Variants in PRMT9 observed in about 807,000 individuals in gnomAD.
PRMT9 encodes protein arginine N-methyltransferase 9.
In PRMT9, 59 loss-of-function variants were observed where a neutral mutation model predicts 83.2. The observed-to-expected ratio is 0.71, with a 90% CI of 0.57 to 0.88. The LOEUF (loss-of-function observed/expected upper bound fraction) is 0.88, where lower values mean the gene tolerates loss of function less well. Among genes scored for constraint, PRMT9 ranks in the 40% least tolerant of loss-of-function variants. PRMT9 has a pLI of 0.00. For missense variants in PRMT9, 947 were observed against 1,021.9 expected (o/e 0.93, Z 1.00); for synonymous variants, 333 against 353.2 (o/e 0.94, Z 0.64).
chr4:147,665,102 CAA>C (rs1368329665), intron 6 of PRMT9, among the ~76,000 whole-genome samples: 2 of 91,004 alleles, frequency 2.2e-5, no homozygotes. Flanking sequence ...GCCTGGGAAA[CAA>C]GAGCGAAACT....
intron 7 of PRMT9, among the ~76,000 whole-genome samples, chr4:147,659,590 TTTTC>T (rs1290382556): frequency 1.4e-5 from 2 of 144,234 alleles, no homozygotes; most frequent in Non-Finnish European, 3.1e-5. Flanking sequence ...TTTTTTTTTT[TTTTC>T]TGAGACGGAG....
rs773815889 is a variant in PRMT9 at position 147,642,944 on chromosome 4, A to T, written c.2046-4T>A. The T allele has an allele frequency of 1.2e-6, 2 of 1,613,692 alleles. No individual in the cohort carries two copies. The highest frequency in any genetic ancestry group is 1.7e-6 in the Non-Finnish European group (2 of 1,179,718). ...GCCTCCAGATTGTAGTAAACACCTA[A>T]GAAAAAAAGTACATATTTTAAAAAG... is the stretch of plus-strand genomic sequence containing the variant. On this transcript the variant is annotated splice_polypyrimidine_tract_variant and splice_region_variant and intron_variant, in intron 9 of 11. Transcript: ENST00000322396.
intron 9 of PRMT9, among the ~76,000 whole-genome samples, chr4:147,653,442 TAA>T (rs201458372): frequency 3.0e-4 from 43 of 144,390 alleles, no homozygotes; most frequent in African/African-American, 1.0e-3. Flanking sequence ...AACTCCGTCT[TAA>T]AAAAAAAAAA....
Position 147,673,809 on chromosome 4 carries a change from C to A in PRMT9, c.404G>T (p.Ser135Ile). ...HKAVKLNPDF[S>I]DAKENFYRVA... ...ACGATAAAAATTCTCCTTTGCATCACTGAAATCAGGGTTTAGCTTCACTGC... is the reference window on the plus strand; with the variant it reads ...ACGATAAAAATTCTCCTTTGCATCAATGAAATCAGGGTTTAGCTTCACTGC... The change falls in exon 3 of 12, where the codon AGT (serine) becomes ATT (isoleucine). Residue 135 changes from serine (S) to isoleucine (I), a missense_variant. Coordinates refer to ENST00000322396, the MANE Select transcript of PRMT9 (RefSeq NM_138364.4). 6.2e-7 allele frequency: 1 copy of A among 1,614,188 alleles called. No homozygotes were observed. The highest frequency in any genetic ancestry group is 2.2e-5 in the East Asian group (1 of 44,890).
chr4:147,663,255 G>T (rs560937330), intron 6 of PRMT9, among the ~76,000 whole-genome samples: 1 of 151,900 alleles, frequency 6.6e-6, no homozygotes, highest in Non-Finnish European at 1.5e-5. Flanking sequence ...TGATCCGCCC[G>T]CCTCAGCCTC....
intron 7 of PRMT9, among the ~76,000 whole-genome samples, chr4:147,659,601 G>A (rs1189266333): frequency 2.4e-4 from 26 of 109,990 alleles, no homozygotes; most frequent in African/African-American, 7.3e-4. Flanking sequence ...TTTCTGAGAC[G>A]GAGTTTCGCT....
intron 6 of PRMT9, among the ~76,000 whole-genome samples, chr4:147,661,789 CAAAAAAAAAAAA>C (rs70958573): frequency 1.7e-5 from 1 of 60,226 alleles, no homozygotes; most frequent in Admixed American, 2.4e-4. Flanking sequence ...GACTCCATCT[CAAAAAAAAAAAA>C]AAAAAAAAAA....
In PRMT9 at chr4:147,658,964, G is replaced by A. The variant is rs562403196; in HGVS notation, c.1147-989C>T. Reference sequence around the variant, plus strand: ...GGAGGCCAAGGCGGACGGATCACGAGGCCAGGAGATTGAGACCATCCTGGC... The same window carrying A: ...GGAGGCCAAGGCGGACGGATCACGAAGCCAGGAGATTGAGACCATCCTGGC... On this transcript the variant is annotated intron_variant, in intron 7 of 11. Coordinates refer to ENST00000322396, the MANE Select transcript of PRMT9 (RefSeq NM_138364.4). Among the ~76,000 whole-genome samples the A allele has an allele frequency of 5.9e-5, 9 of 152,162 alleles. No homozygotes were observed. The South Asian group carries it at 1.7e-3, about 28-fold the overall frequency.
Position 147,654,205 on chromosome 4 carries a change from C to G in PRMT9, c.1692G>C (p.Glu564Asp), listed in dbSNP as rs1560978047. 1.9e-6 allele frequency: 3 copies of G among 1,614,092 alleles called. No individual in the cohort carries two copies. The African/African-American group carries it at 4.0e-5, about 22-fold the overall frequency. Residue 564 changes from glutamate to aspartate, a missense_variant, in exon 9 of 12, where the codon GAG becomes GAC. By Grantham distance (45) the Glu-to-Asp change is conservative (BLOSUM62 2). Transcript: ENST00000322396. ...YQTMDTHCQN[E>D]MSSGTGQSNT... is the part of the protein sequence containing the mutation. ...TACTCTGTCCAGTTCCAGAGCTCATCTCATTCTGACAGTGAGTATCCATGG... is the reference window on the plus strand; with the variant it reads ...TACTCTGTCCAGTTCCAGAGCTCATGTCATTCTGACAGTGAGTATCCATGG...
At position 147,683,788 on chromosome 4, in the gene PRMT9, A is replaced by C. The variant is rs749417330; in HGVS notation, c.189+11T>G. 6 of 1,606,486 alleles carry C rather than the reference A, an allele frequency of 3.7e-6. No homozygotes were observed. In the South Asian group the frequency reaches 6.6e-5, roughly 18 times the overall value. On this transcript the variant is annotated intron_variant, in intron 1 of 11. Coordinates refer to ENST00000322396, the MANE Select transcript of PRMT9 (RefSeq NM_138364.4). The stretch of plus-strand genomic sequence containing the variant: ...TGGATCTGCCAGCAAGTGAGAAAAA[A>C]GGACCCTCACCTTCACGTCGTGTTT...
rs779603849 is a variant in PRMT9 at position 147,670,671 on chromosome 4, A to G, written c.816T>C (p.His272=). 2 of 1,613,240 alleles carry G rather than the reference A, an allele frequency of 1.2e-6. No homozygotes were observed. Among genetic ancestry groups the G allele is most frequent in the Non-Finnish European group, 1.7e-6 (2 of 1,179,266 alleles). Residue 272 remains histidine, a synonymous_variant, in exon 5 of 12, where the codon CAT becomes CAC. Transcript: ENST00000322396. ...FGEGIVESLI[H]AWEHLLLQPK... ...GCTGTAAAAGTAAATGCTCCCATGC[A>G]TGAATCAAACTCTCCACAATTCCTT... is the stretch of plus-strand genomic sequence containing the variant.
At position 147,649,236 on chromosome 4, in the gene PRMT9, G is replaced by C. The variant is rs545340230; in HGVS notation, c.2045+4616C>G. Among the ~76,000 whole-genome samples, 135 of 151,752 alleles carry C rather than the reference G, an allele frequency of 8.9e-4. 1 individual carries two copies. The highest frequency in any genetic ancestry group is 1.6e-3 in the Non-Finnish European group (106 of 67,878). ...GAGAGAGAGAAAGGGAAAGAGGGCT[G>C]ACCTCATCCTGTAAAAAAAACCCAC... On this transcript the variant is annotated intron_variant, in intron 9 of 11. Coordinates refer to ENST00000322396, the MANE Select transcript of PRMT9 (RefSeq NM_138364.4).
intron 10 of PRMT9, chr4:147,639,376 A>C (rs1210921484): frequency 6.5e-6 from 2 of 308,636 alleles, no homozygotes. Flanking sequence ...GGATGAGAGC[A>C]GATTAAATTT....
intron 2 of PRMT9, among the ~76,000 whole-genome samples, chr4:147,678,632 T>C (rs867672312): frequency 6.6e-6 from 1 of 152,194 alleles, no homozygotes; most frequent in Non-Finnish European, 1.5e-5. Flanking sequence ...ACAAACAATG[T>C]GGTTTATGCT....
At chr4:147,648,091 T>C (rs1733846580) in intron 9 of PRMT9, among the ~76,000 whole-genome samples, 1 of 152,224 alleles carries the variant, frequency 6.6e-6, no homozygotes, top group African/African-American at 2.4e-5. Flanking sequence ...TATCTGGTCT[T>C]CATCTTGTTT....
intron 4 of PRMT9, among the ~76,000 whole-genome samples, chr4:147,672,701 T>C (rs1468081967): frequency 6.6e-6 from 1 of 152,190 alleles, no homozygotes; most frequent in Non-Finnish European, 1.5e-5. Flanking sequence ...ACACTGAAAT[T>C]AACAAAGGTA....
At chr4:147,676,998 C>A (rs1736131003) in intron 2 of PRMT9, among the ~76,000 whole-genome samples, 1 of 150,230 alleles carries the variant, frequency 6.7e-6, no homozygotes, top group Non-Finnish European at 1.5e-5. Flanking sequence ...GAGCTGAGAT[C>A]CTGCCACTGC....
At chr4:147,650,403 T>C (rs1236456585) in intron 9 of PRMT9, among the ~76,000 whole-genome samples, 1 of 151,698 alleles carries the variant, frequency 6.6e-6, no homozygotes, top group Non-Finnish European at 1.5e-5. Context: ...AAATAGAAAA[T>C]TAAGAAAAGA....
intron 9 of PRMT9, among the ~76,000 whole-genome samples, chr4:147,646,668 G>C (rs1303607757): frequency 6.6e-6 from 1 of 151,608 alleles, no homozygotes; most frequent in Non-Finnish European, 1.5e-5. Context: ...GGGGAGGGGG[G>C]GGAGGGGGGT....
Sources: allele counts gnomAD v4.1 joint callset (sites outside exome capture counted in the v4.1 genomes callset), GRCh38; gene constraint gnomAD v4.1.1; transcripts MANE v1.5; gene names NCBI Gene and HGNC (gene_info 2026-07-23, HGNC 2026-07-21).